TMEM116: variants seen among roughly 807,000 people sequenced by gnomAD.
TMEM116 encodes the protein transmembrane protein 116.
A neutral mutation model predicts 44.3 loss-of-function variants in TMEM116; 38 were observed. That is an observed-to-expected ratio of 0.86 (90% CI 0.66 to 1.12). The LOEUF (loss-of-function observed/expected upper bound fraction) is 1.12. Among genes scored for constraint, TMEM116 ranks in the 50% most tolerant of loss-of-function variants. The pLI, the probability that TMEM116 is intolerant of heterozygous loss-of-function variation, is 0.00. For synonymous variants in TMEM116, 132 were observed against 144.8 expected, an observed-to-expected ratio of 0.91 and a Z score of 0.64; for missense variants, 354 against 401.7, an observed-to-expected ratio of 0.88 and a Z score of 1.01.
chr12:111,961,273 G>A (rs769084990), intron 4 of TMEM116, among the ~76,000 whole-genome samples: 4 of 152,146 alleles, frequency 2.6e-5, no homozygotes, highest in Admixed American at 1.3e-4. Context: ...CATTTCTTCC[G>A]AAACTATTTC....
chr12:111,939,377 C>T (rs1390362698), intron 5 of TMEM116, among the ~76,000 whole-genome samples: 1 of 150,094 alleles, frequency 6.7e-6, no homozygotes, highest in Non-Finnish European at 1.5e-5. Flanking sequence ...TGCTTGAACC[C>T]GGGAGGTGGA....
intron 5 of TMEM116, among the ~76,000 whole-genome samples, chr12:111,940,565 G>GTATATATATATATATATATATATA (rs1182152145): frequency 1.2e-4 from 15 of 127,938 alleles, no homozygotes; most frequent in African/African-American, 4.5e-4. Flanking sequence ...ATATATATGT[G>GTATATATATATATATATATATATA]TGTATATATA....
intron 5 of TMEM116, among the ~76,000 whole-genome samples, chr12:111,942,256 CTTGTTT>C (rs1313380687): frequency 6.7e-6 from 1 of 148,886 alleles, no homozygotes; most frequent in East Asian, 2.0e-4. Context: ...ATTTTGTTTG[CTTGTTT>C]TTGTTTTTGT....
chr12:111,936,859 C>T, intron 7 of TMEM116, 29 bp from the exon 8 acceptor site: 1 of 1,557,500 alleles, frequency 6.4e-7, no homozygotes, highest in Admixed American at 2.0e-5. Flanking sequence ...AACAGGAGTA[C>T]TACTACAGAT....
chr12:112,000,800 C>T, intron 3 of TMEM116: 1 of 526,074 alleles, frequency 1.9e-6, no homozygotes, highest in African/African-American at 1.9e-5. Context: ...GCATTCTCAT[C>T]ACAGTTGTTA....
At chr12:111,932,492 G>A (rs998421895) in intron 10 of TMEM116, 94 bp downstream of exon 10, 8 of 1,052,290 alleles carry the variant, frequency 7.6e-6, no homozygotes, top group Admixed American at 1.9e-5. Context: ...AGAAGTACCC[G>A]GAGGGAAAAA....
At chr12:111,939,877 G>GCT (rs1491107439) in intron 5 of TMEM116, among the ~76,000 whole-genome samples, 1 of 115,184 alleles carries the variant, frequency 8.7e-6, no homozygotes, top group Non-Finnish European at 1.7e-5. Flanking sequence ...TATCTTCAAA[G>GCT]CTCTGTGTGT....
intron 4 of TMEM116, among the ~76,000 whole-genome samples, chr12:111,991,201 G>A (rs1363283590): frequency 7.8e-6 from 1 of 128,032 alleles, no homozygotes; most frequent in Non-Finnish European, 1.6e-5. Context: ...TCTGGCGACA[G>A]AGCGAGACTC....
intron 4 of TMEM116, among the ~76,000 whole-genome samples, chr12:111,963,194 C>G (rs1425018244): frequency 1.3e-5 from 2 of 152,070 alleles, no homozygotes; most frequent in Admixed American, 1.3e-4. Context: ...GAAATAGGAA[C>G]AGAAATAGAA....
intron 4 of TMEM116, among the ~76,000 whole-genome samples, chr12:111,988,875 C>T (rs2076384561): frequency 6.6e-6 from 1 of 151,658 alleles, no homozygotes; most frequent in African/African-American, 2.4e-5. Context: ...GCCTGTAATC[C>T]CAGCTACTCG....
intron 3 of TMEM116, among the ~76,000 whole-genome samples, chr12:111,995,520 C>T (rs2076884781): frequency 3.9e-5 from 6 of 152,212 alleles, no homozygotes; most frequent in Middle Eastern, 6.8e-3. Context: ...GGCAGATCAC[C>T]TGAGGTCAGG....
At chr12:111,951,501 A>G (rs2073729892) in intron 4 of TMEM116, among the ~76,000 whole-genome samples, 2 of 152,210 alleles carry the variant, frequency 1.3e-5, no homozygotes, top group African/African-American at 4.8e-5. Context: ...AAAGGACAAG[A>G]TCATGTCCTT....
intron 4 of TMEM116, among the ~76,000 whole-genome samples, chr12:111,972,045 A>G (rs2075367146): frequency 6.8e-6 from 1 of 146,030 alleles, no homozygotes. Context: ...ACTACACTCC[A>G]GCCTAGGTGA....
intron 4 of TMEM116, among the ~76,000 whole-genome samples, chr12:111,950,907 G>T (rs1478899586): frequency 6.6e-6 from 1 of 152,092 alleles, no homozygotes; most frequent in Admixed American, 6.5e-5. Context: ...CCTACAGAAA[G>T]AAAGAAAATT....
intron 3 of TMEM116, among the ~76,000 whole-genome samples, chr12:112,003,342 GC>G (rs752127724): frequency 7.2e-5 from 11 of 152,196 alleles, no homozygotes; most frequent in Non-Finnish European, 1.6e-4. Flanking sequence ...GCCAAGGCAG[GC>G]GGATCATGAG....
intron 2 of TMEM116, among the ~76,000 whole-genome samples, 191 bp from the exon 3 acceptor site, chr12:112,004,054 C>T (rs962835805): frequency 2.6e-5 from 4 of 152,136 alleles, no homozygotes; most frequent in African/African-American, 9.7e-5. Flanking sequence ...CATTATAGCT[C>T]AACGTAACCT....
intron 4 of TMEM116, among the ~76,000 whole-genome samples, chr12:111,947,200 C>A (rs998475091): frequency 2.1e-5 from 3 of 139,708 alleles, no homozygotes; most frequent in African/African-American, 8.0e-5. Context: ...CTTTTAAAGA[C>A]TTTTGATGGT....
chr12:111,964,398 C>T (rs953082591), intron 4 of TMEM116, among the ~76,000 whole-genome samples: 2 of 147,452 alleles, frequency 1.4e-5, no homozygotes, highest in South Asian at 2.1e-4. Context: ...GCTGAGATCA[C>T]ACCAATGCAC....
chr12:111,976,784 C>T (rs1252057196), intron 4 of TMEM116, among the ~76,000 whole-genome samples: 1 of 151,702 alleles, frequency 6.6e-6, no homozygotes, highest in Non-Finnish European at 1.5e-5. Context: ...TAAAAAGAAT[C>T]AAAAGGAAAC....
Sources: allele counts gnomAD v4.1 joint callset (sites outside exome capture counted in the v4.1 genomes callset), GRCh38; gene constraint gnomAD v4.1.1; transcripts MANE v1.5; gene names NCBI Gene and HGNC (gene_info 2026-07-23, HGNC 2026-07-21).